Variants in NXPH3 observed in about 807,000 individuals in gnomAD.
The protein encoded by NXPH3 is neurexophilin-3.
NXPH3 carries 7 observed loss-of-function variants against 18.8 expected under a neutral mutation model. The ratio of observed to expected loss-of-function variants is 0.37; its 90% confidence interval spans 0.21 to 0.70. NXPH3 has a LOEUF of 0.70. Among genes scored for constraint, NXPH3 ranks in the 30% least tolerant of loss-of-function variants. NXPH3 has a pLI of 0.53. For missense variants in NXPH3, 282 were observed against 338.1 expected (o/e 0.83, Z 1.30); for synonymous variants, 101 against 137.3 (o/e 0.74, Z 1.85).
At position 49,581,792 on chromosome 17, in the gene NXPH3, G is replaced by A; in HGVS notation, c.*2492G>A. On this transcript the variant is annotated 3_prime_UTR_variant, in exon 2 of 2. Transcript: ENST00000328741. ...CCCACCTCCCCTGGCTGAACTCTCA[G>A]CAGGCACTGGGGGCACTTTGACCCC... 1.4e-6 allele frequency: 1 copy of A among 702,038 alleles called. No homozygotes were observed. Among genetic ancestry groups the A allele is most frequent in the Non-Finnish European group, 2.6e-6 (1 of 384,762 alleles). 43.5% of individuals were successfully genotyped at this position (702,038 alleles called of 1,614,324 possible).
Position 49,579,406 on chromosome 17 carries a change from A to AG in NXPH3, c.*112dup. 3 of 982,862 alleles carry AG rather than the reference A, an allele frequency of 3.1e-6. No individual in the cohort carries two copies. The highest frequency in any genetic ancestry group is 4.5e-6 in the Non-Finnish European group (3 of 673,060). The allele number at this position is 982,862 out of a possible 1,614,324, so 60.9% of individuals were successfully genotyped here. A position where few individuals can be genotyped will look rare whatever the true frequency, so the allele number is the denominator to read the frequency against. ...GGAAGGGGTTGGGCCTCAGGCAGGG[A>AG]GGGGGGTGGAGACGAGGAGATGCCA... is the stretch of plus-strand genomic sequence containing the variant. On this transcript the variant is annotated 3_prime_UTR_variant, in exon 2 of 2. Transcript: ENST00000328741. This position sits in a 1 kb window ranked among gnomAD's most constrained non-coding sequence, Gnocchi z 6.0.
rs1371092939 is a variant in NXPH3, at chr17:49,579,473, C to A, written c.*173C>A. 1.6e-6 allele frequency: 1 copy of A among 622,192 alleles called. No homozygotes were observed. The highest frequency in any genetic ancestry group is 2.8e-6 in the Non-Finnish European group (1 of 357,890). 38.5% of individuals were successfully genotyped at this position (622,192 alleles called of 1,614,324 possible). ...AGTCTCAAGTGGCAGAGAAAGGGTC[C>A]CAAGTGCTGGTCCCAACCTGAAGCT... On this transcript the variant is annotated 3_prime_UTR_variant, in exon 2 of 2. Transcript: ENST00000328741. This position sits in a 1 kb window ranked among gnomAD's most constrained non-coding sequence, Gnocchi z 6.0.
chr17:49,577,572 A>AG (rs1235735562), intron 1 of NXPH3, among the ~76,000 whole-genome samples: 1 of 152,174 alleles, frequency 6.6e-6, no homozygotes, highest in Non-Finnish European at 1.5e-5. Flanking sequence ...GATCCAGCAG[A>AG]GGGAGGATGA....
In NXPH3 at chr17:49,579,779, TG is replaced by T. The variant is rs2071590813; in HGVS notation, c.*483del. ...GCTTCCTAGGAGCCAGTCAGCAGGGTGGGGTGGGGCCAGAGGAGCTCTCCAG... is the reference window on the plus strand; with the variant it reads ...GCTTCCTAGGAGCCAGTCAGCAGGGTGGGTGGGGCCAGAGGAGCTCTCCAG... On this transcript the variant is annotated 3_prime_UTR_variant, in exon 2 of 2. Coordinates refer to ENST00000328741, the MANE Select transcript of NXPH3 (RefSeq NM_007225.4). This position sits in a 1 kb window ranked among gnomAD's most constrained non-coding sequence, Gnocchi z 6.0. The T allele has an allele frequency of 1.2e-5, 2 of 168,204 alleles. No individual in the cohort carries two copies. Among genetic ancestry groups the T allele is most frequent in the Non-Finnish European group, 2.6e-5 (2 of 77,282 alleles). 10.4% of individuals were successfully genotyped at this position (168,204 alleles called of 1,614,324 possible).
Position 49,578,867 on chromosome 17 carries a change from T to G in NXPH3, c.326T>G (p.Ile109Ser). The G allele has an allele frequency of 6.8e-6, 11 of 1,614,046 alleles. No homozygotes were observed. The highest frequency in any genetic ancestry group is 9.3e-6 in the Non-Finnish European group (11 of 1,180,014). ...IFGWGDFYSN[I>S]KTVALNLLVT... Reference sequence around the variant, plus strand: ...GGCTGGGGCGACTTCTACTCCAACATCAAGACGGTGGCCCTGAACCTGCTC... The same window carrying G: ...GGCTGGGGCGACTTCTACTCCAACAGCAAGACGGTGGCCCTGAACCTGCTC... Residue 109 changes from isoleucine (I) to serine (S), a missense_variant, in exon 2 of 2, where the codon ATC (isoleucine) becomes AGC (serine). By Grantham distance (142) the Ile-to-Ser change is moderately radical. Coordinates refer to ENST00000328741, the MANE Select transcript of NXPH3 (RefSeq NM_007225.4). The surrounding 1 kb of genome is among the most constrained non-coding windows in gnomAD (Gnocchi z 4.5).
rs2071582430 is a variant in NXPH3, at chr17:49,578,550, A to T, written c.55-46A>T. The T allele has an allele frequency of 6.9e-7, 1 of 1,440,644 alleles. No homozygotes were observed. Among genetic ancestry groups the T allele is most frequent in the Non-Finnish European group, 9.3e-7 (1 of 1,071,198 alleles). 89.2% of individuals were successfully genotyped at this position (1,440,644 alleles called of 1,614,324 possible). On this transcript the variant is annotated intron_variant, in intron 1 of 1. Transcript: ENST00000328741. The surrounding 1 kb of genome is among the most constrained non-coding windows in gnomAD (Gnocchi z 4.5). ...GTACTGCTGGTAGCGGGGGTGGTGG[A>T]CCTCCAGGGACAGGGCTCTCACTGT... is the stretch of plus-strand genomic sequence containing the variant.
Position 49,578,970 on chromosome 17 carries a change from C to T in NXPH3, c.429C>T (p.Asn143=). ...HFQHNATGQG[N]ISISLVPPSK... ...AACACAATGCCACAGGCCAGGGAAA[C>T]ATCTCCATCAGCCTCGTGCCCCCCA... The change falls in exon 2 of 2, where the codon AAC becomes AAT. Residue 143 remains asparagine (N), a synonymous_variant. Coordinates refer to ENST00000328741, the MANE Select transcript of NXPH3 (RefSeq NM_007225.4). This position sits in a 1 kb window ranked among gnomAD's most constrained non-coding sequence, Gnocchi z 4.5. 6.2e-7 allele frequency: 1 copy of T among 1,614,148 alleles called. No homozygotes were observed. Among genetic ancestry groups the T allele is most frequent in the South Asian group, 1.1e-5 (1 of 91,082 alleles).
Position 49,578,940 on chromosome 17 carries a change from C to T in NXPH3, c.399C>T (p.His133=). The T allele has an allele frequency of 6.2e-7, 1 of 1,614,220 alleles. No individual in the cohort carries two copies. Among genetic ancestry groups the T allele is most frequent in the Non-Finnish European group, 8.5e-7 (1 of 1,180,040 alleles). The part of the protein sequence containing the change: ...VDHGNGTFSV[H]FQHNATGQGN... ...ATGGCAATGGGACCTTCAGCGTCCA[C>T]TTCCAACACAATGCCACAGGCCAGG... is the stretch of plus-strand genomic sequence containing the variant. Residue 133 remains histidine (H), a synonymous_variant, in exon 2 of 2, where the codon CAC becomes CAT. Transcript: ENST00000328741. This position sits in a 1 kb window ranked among gnomAD's most constrained non-coding sequence, Gnocchi z 4.5.
rs1239602494 is a variant in NXPH3, at chr17:49,581,871, C to T, written c.*2571C>T. The T allele has an allele frequency of 6.0e-6, 4 of 670,540 alleles. No individual in the cohort carries two copies. Among genetic ancestry groups the T allele is most frequent in the Non-Finnish European group, 5.4e-6 (2 of 372,020 alleles). 41.5% of individuals were successfully genotyped at this position (670,540 alleles called of 1,614,324 possible). On this transcript the variant is annotated 3_prime_UTR_variant, in exon 2 of 2. Transcript: ENST00000328741. The stretch of plus-strand genomic sequence containing the variant: ...CCAGATGCTGGCGACAGCTGGAGGG[C>T]CCGGCCTTCCTGGCACACAGTTCTG...
In NXPH3 at chr17:49,582,600, G is replaced by GC. The variant is rs1302895266; in HGVS notation, c.*3304dup. On this transcript the variant is annotated 3_prime_UTR_variant, in exon 2 of 2. Coordinates refer to ENST00000328741, the MANE Select transcript of NXPH3 (RefSeq NM_007225.4). ...ACACCCTGATGTCAGGGGCTGGATG[G>GC]CCCCTTAGACTGGGGGTCCCTGAGG... The GC allele has an allele frequency of 6.6e-6, 1 of 152,306 alleles. No individual in the cohort carries two copies. Among genetic ancestry groups the GC allele is most frequent in the African/African-American group, 2.4e-5 (1 of 41,442 alleles). The allele number at this position is 152,306 out of a possible 1,614,324, so 9.4% of individuals were successfully genotyped here.
chr17:49,579,553 C>T lies in NXPH3; in HGVS notation c.*253C>T. 1.9e-6 allele frequency: 1 copy of T among 522,662 alleles called. No individual in the cohort carries two copies. Among genetic ancestry groups the T allele is most frequent in the African/African-American group, 1.9e-5 (1 of 52,880 alleles). The allele number at this position is 522,662 out of a possible 1,614,324, so 32.4% of individuals were successfully genotyped here. A position where few individuals can be genotyped will look rare whatever the true frequency, so the allele number is the denominator to read the frequency against. On this transcript the variant is annotated 3_prime_UTR_variant, in exon 2 of 2. Coordinates refer to ENST00000328741, the MANE Select transcript of NXPH3 (RefSeq NM_007225.4). This position sits in a 1 kb window ranked among gnomAD's most constrained non-coding sequence, Gnocchi z 6.0. The stretch of plus-strand genomic sequence containing the variant: ...AGGAGGAGTGGGCTCTCTGTGCAGC[C>T]TCACAGGGCTTTGCCACGGAGCCAC...
Position 49,576,284 on chromosome 17 carries a change from C to T in NXPH3, c.54+11C>T, listed in dbSNP as rs1237000597. The T allele has an allele frequency of 1.3e-6, 2 of 1,563,034 alleles. No homozygotes were observed. Among genetic ancestry groups the T allele is most frequent in the South Asian group, 1.2e-5 (1 of 84,882 alleles). Reference sequence around the variant, plus strand: ...GGTAGCCTCTATCTGGTGAGTGGTCCGAGGGGAGCTGCGCAGAGGGGCGGG... The same window carrying T: ...GGTAGCCTCTATCTGGTGAGTGGTCTGAGGGGAGCTGCGCAGAGGGGCGGG... On this transcript the variant is annotated intron_variant, in intron 1 of 1. Coordinates refer to ENST00000328741, the MANE Select transcript of NXPH3 (RefSeq NM_007225.4).
intron 1 of NXPH3, among the ~76,000 whole-genome samples, chr17:49,577,090 C>T (rs2071575334): frequency 6.6e-6 from 1 of 152,140 alleles, no homozygotes; most frequent in Non-Finnish European, 1.5e-5. Flanking sequence ...GGGAAGAGCC[C>T]TTCCCTTCTC....
intron 1 of NXPH3, among the ~76,000 whole-genome samples, chr17:49,576,988 C>T (rs1025455777): frequency 1.3e-5 from 2 of 152,100 alleles, no homozygotes; most frequent in Admixed American, 6.5e-5. Flanking sequence ...CGCCCGCTGA[C>T]CCTCCCCGCA....
intron 1 of NXPH3, chr17:49,577,895 A>G (rs1234900181): frequency 2.6e-5 from 4 of 152,076 alleles, no homozygotes; most frequent in African/African-American, 9.7e-5. Flanking sequence ...CTCTTGCCAA[A>G]CCTAAACTAT....
chr17:49,583,413 C>T lies in NXPH3; in HGVS notation c.*4113C>T, dbSNP rs2071610898. On this transcript the variant is annotated 3_prime_UTR_variant, in exon 2 of 2. Coordinates refer to ENST00000328741, the MANE Select transcript of NXPH3 (RefSeq NM_007225.4). ...AAAGTCTTGGAGTGGCAGCTGGCAC[C>T]ATCACCAAGGCACAAATGCCAGCAG... The T allele has an allele frequency of 6.6e-6, 1 of 152,276 alleles. No individual in the cohort carries two copies. 9.4% of individuals were successfully genotyped at this position (152,276 alleles called of 1,614,324 possible). A position where few individuals can be genotyped will look rare whatever the true frequency, so the allele number is the denominator to read the frequency against.
chr17:49,577,456 G>T (rs996447008), intron 1 of NXPH3, among the ~76,000 whole-genome samples: 1 of 152,172 alleles, frequency 6.6e-6, no homozygotes, highest in Non-Finnish European at 1.5e-5. Flanking sequence ...CCACAGCCAG[G>T]CTGCGCCTCA....
intron 1 of NXPH3, among the ~76,000 whole-genome samples, chr17:49,576,916 C>T (rs1233874756): frequency 1.3e-5 from 2 of 152,084 alleles, no homozygotes; most frequent in East Asian, 3.9e-4. Flanking sequence ...TTCTCGGCGA[C>T]CCAGGGCGCC....
intron 1 of NXPH3, 21 bp downstream of exon 1, chr17:49,576,294 T>G: frequency 1.3e-6 from 2 of 1,558,712 alleles, no homozygotes; most frequent in Non-Finnish European, 1.7e-6. Flanking sequence ...CGAGGGGAGC[T>G]GCGCAGAGGG....
Sources: allele counts gnomAD v4.1 joint callset (sites outside exome capture counted in the v4.1 genomes callset), GRCh38; gene constraint gnomAD v4.1.1; non-coding constraint Gnocchi (gnomAD v3.1); transcripts MANE v1.5; gene names NCBI Gene and HGNC (gene_info 2026-07-23, HGNC 2026-07-21).